SCFD2: variants seen among roughly 807,000 people sequenced by gnomAD.
SCFD2 encodes sec1 family domain-containing protein 2.
A neutral mutation model predicts 58.9 loss-of-function variants in SCFD2; 54 were observed. The ratio of observed to expected loss-of-function variants is 0.92; its 90% confidence interval spans 0.74 to 1.15. SCFD2 has a LOEUF of 1.15. Among genes scored for constraint, SCFD2 ranks in the 50% most tolerant of loss-of-function variants. SCFD2 has a pLI of 0.00. For missense variants in SCFD2, 805 were observed against 836.6 expected (o/e 0.96, Z 0.47); for synonymous variants, 321 against 335.9 (o/e 0.96, Z 0.49).
At chr4:53,103,047 A>G (rs572797048) in intron 5 of SCFD2, among the ~76,000 whole-genome samples, 2 of 152,304 alleles carry the variant, frequency 1.3e-5, no homozygotes, top group Admixed American at 1.3e-4. Flanking sequence ...CACCCTTTAC[A>G]ACCATCACTG....
At chr4:52,941,379 T>C (rs779957590) in intron 5 of SCFD2, among the ~76,000 whole-genome samples, 55 of 152,328 alleles carry the variant, frequency 3.6e-4, no homozygotes, top group African/African-American at 7.9e-4. Context: ...GAGAGGGTGA[T>C]AGCTTTTCTG....
chr4:53,218,874 G>C (rs1196148169), intron 4 of SCFD2, among the ~76,000 whole-genome samples: 1 of 152,232 alleles, frequency 6.6e-6, no homozygotes, highest in East Asian at 1.9e-4. Flanking sequence ...AAGAACCACA[G>C]CTGCAGGTCT....
chr4:53,300,884 A>T (rs967154173), intron 3 of SCFD2, among the ~76,000 whole-genome samples: 2 of 152,232 alleles, frequency 1.3e-5, no homozygotes, highest in Non-Finnish European at 2.9e-5. Context: ...AGAAATAAAG[A>T]TGTTCTTTGA....
At chr4:53,328,521 AAAT>A (rs1446918160) in intron 2 of SCFD2, among the ~76,000 whole-genome samples, 9 of 152,250 alleles carry the variant, frequency 5.9e-5, no homozygotes, top group Admixed American at 5.9e-4. Context: ...AAATAATAAA[AAAT>A]GAGTTATAAC....
At chr4:52,890,446 T>C (rs1455178932) in intron 7 of SCFD2, among the ~76,000 whole-genome samples, 1 of 152,238 alleles carries the variant, frequency 6.6e-6, no homozygotes, top group Non-Finnish European at 1.5e-5. Context: ...CAGACTTTTC[T>C]TGTGGAGCCG....
intron 5 of SCFD2, among the ~76,000 whole-genome samples, chr4:53,002,136 G>A (rs1261298963): frequency 6.6e-6 from 1 of 152,194 alleles, no homozygotes; most frequent in East Asian, 1.9e-4. Context: ...GGAAGCATCA[G>A]AGCAGAGAAA....
chr4:53,052,174 C>G (rs1577687792), intron 5 of SCFD2, among the ~76,000 whole-genome samples: 1 of 147,314 alleles, frequency 6.8e-6, no homozygotes, highest in East Asian at 1.9e-4. Context: ...TCACTACCCA[C>G]AACTCAACTC....
In SCFD2 at chr4:52,874,044, T is replaced by A. The variant is rs775329000; in HGVS notation, c.1980A>T (p.Thr660=). ...KPGTQVIVLS[T]RLLKPLNIPE... ...GAATGTTAAGTGGCTTCAGGAGTCG[T>A]GTGGACAGCACGATTACCTAACAAC... Residue 660 remains threonine, a synonymous_variant, in exon 9 of 9, where the codon ACA becomes ACT. Transcript: ENST00000401642. 1.2e-6 allele frequency: 2 copies of A among 1,613,710 alleles called. No individual in the cohort carries two copies. The highest frequency in any genetic ancestry group is 2.2e-5 in the South Asian group (2 of 91,070).
chr4:53,024,765 G>A (rs186559628), intron 5 of SCFD2, among the ~76,000 whole-genome samples: 97 of 148,826 alleles, frequency 6.5e-4, no homozygotes, highest in African/African-American at 2.3e-3. Context: ...ATGGGATGAC[G>A]TTACTCTGAA....
At chr4:53,108,701 G>T (rs1166362379) in intron 5 of SCFD2, among the ~76,000 whole-genome samples, 1 of 152,144 alleles carries the variant, frequency 6.6e-6, no homozygotes, top group Non-Finnish European at 1.5e-5. Context: ...CCAATAACAA[G>T]TTCTGAAATT....
chr4:53,255,864 G>C (rs568740499), intron 4 of SCFD2, among the ~76,000 whole-genome samples: 1 of 145,242 alleles, frequency 6.9e-6, no homozygotes, highest in African/African-American at 2.5e-5. Flanking sequence ...CCTCCATCCC[G>C]GACGGGGCGG....
intron 4 of SCFD2, among the ~76,000 whole-genome samples, chr4:53,198,592 A>T (rs1190794905): frequency 6.6e-6 from 1 of 151,968 alleles, no homozygotes; most frequent in East Asian, 1.9e-4. Flanking sequence ...ATTATACATT[A>T]TACTCTCTCT....
chr4:53,146,644 TA>T lies in SCFD2; in HGVS notation c.1312-1063del, dbSNP rs372366539. On this transcript the variant is annotated intron_variant, in intron 4 of 8. Transcript: ENST00000401642. ...GAAAACAATTAAAAAGCAAAAGAAG[TA>T]AAACATAAACAGCAGCCCACCCTTA... Among the ~76,000 whole-genome samples the T allele has an allele frequency of 3.5e-3, 540 of 152,236 alleles. 5 individuals are homozygous for T. The highest frequency in any genetic ancestry group is 0.012 in the African/African-American group (510 of 41,552).
intron 5 of SCFD2, among the ~76,000 whole-genome samples, chr4:53,085,855 C>A (rs1724289084): frequency 6.6e-6 from 1 of 152,010 alleles, no homozygotes; most frequent in African/African-American, 2.4e-5. Context: ...AAACTTGACC[C>A]CTCCCATCTC....
chr4:53,294,352 G>A (rs184508989), intron 3 of SCFD2, among the ~76,000 whole-genome samples: 1 of 152,268 alleles, frequency 6.6e-6, no homozygotes, highest in Admixed American at 6.5e-5. Context: ...GGCATGAGAT[G>A]GTACATCATT....
intron 5 of SCFD2, among the ~76,000 whole-genome samples, chr4:53,007,307 A>G (rs1374656171): frequency 1.1e-4 from 11 of 104,392 alleles, no homozygotes; most frequent in African/African-American, 3.0e-4. Flanking sequence ...AGGGAGAGGG[A>G]GAGAGAGAGA....
intron 5 of SCFD2, among the ~76,000 whole-genome samples, chr4:53,095,894 G>A (rs371828345): frequency 8.6e-5 from 13 of 150,548 alleles, no homozygotes; most frequent in Admixed American, 4.0e-4. Flanking sequence ...AACAGGCCCC[G>A]GTGTGTGATG....
chr4:53,268,428 G>T (rs1731056680), intron 4 of SCFD2, among the ~76,000 whole-genome samples: 1 of 152,140 alleles, frequency 6.6e-6, no homozygotes, highest in African/African-American at 2.4e-5. Flanking sequence ...AGCCCTGCAT[G>T]GGTTGTCAGA....
At chr4:53,223,493 G>C (rs1471544900) in intron 4 of SCFD2, among the ~76,000 whole-genome samples, 3 of 152,150 alleles carry the variant, frequency 2.0e-5, no homozygotes, top group Admixed American at 6.6e-5. Context: ...ACCCTGCCAT[G>C]TGAGATCCTG....
Sources: allele counts gnomAD v4.1 joint callset (sites outside exome capture counted in the v4.1 genomes callset), GRCh38; gene constraint gnomAD v4.1.1; transcripts MANE v1.5; gene names NCBI Gene and HGNC (gene_info 2026-07-23, HGNC 2026-07-21).